The following PTPRO variants were observed in gnomAD, a reference collection of about 807,000 sequenced individuals.
PTPRO encodes the protein protein tyrosine phosphatase receptor type O.
In PTPRO, 62 loss-of-function variants were observed where a neutral mutation model predicts 145.2. The observed-to-expected ratio is 0.43, with a 90% CI of 0.35 to 0.53. The LOEUF is 0.53. Among genes scored for constraint, PTPRO ranks in the 20% least tolerant of loss-of-function variants. The pLI, the probability that PTPRO is intolerant of heterozygous loss-of-function variation, is 0.01. For synonymous variants in PTPRO, 565 were observed against 514.7 expected (o/e 1.10, Z -1.32); for missense variants, 1,345 against 1,482.7 (o/e 0.91, Z 1.53).
At chr12:15,502,195 A>C (rs190262064) in intron 5 of PTPRO, 132 bp downstream of exon 5, 1 of 916,132 alleles carries the variant, frequency 1.1e-6, no homozygotes, top group Non-Finnish European at 1.7e-6. Flanking sequence ...ATGAAAGGGG[A>C]GAATTTAATT....
chr12:15,584,352 A>T (rs147627736), intron 23 of PTPRO, among the ~76,000 whole-genome samples: 133 of 152,366 alleles, frequency 8.7e-4, no homozygotes, highest in African/African-American at 3.1e-3. Flanking sequence ...AGCCAGTGCA[A>T]ACTGATAACC....
intron 1 of PTPRO, among the ~76,000 whole-genome samples, chr12:15,423,278 G>A (rs1431788150): frequency 1.3e-5 from 2 of 152,018 alleles, no homozygotes; most frequent in Non-Finnish European, 2.9e-5. Context: ...GACTCTCTGA[G>A]GTTTCTTGGA....
At chr12:15,395,839 A>ACACACACACAAACTATAGGCCAGTAGCT in intron 1 of PTPRO, among the ~76,000 whole-genome samples, 1 of 149,780 alleles carries the variant, frequency 6.7e-6, no homozygotes, top group Non-Finnish European at 1.5e-5. Context: ...ACACACACAC[A>ACACACACACAAACTATAGGCCAGTAGCT]CTGATGATGG....
chr12:15,374,534 G>A (rs1307688926), intron 1 of PTPRO, among the ~76,000 whole-genome samples: 1 of 152,078 alleles, frequency 6.6e-6, no homozygotes, highest in Non-Finnish European at 1.5e-5. Context: ...GAGCACTGGA[G>A]GGGGCAGTCC....
At chr12:15,356,467 C>A (rs1021548690) in intron 1 of PTPRO, among the ~76,000 whole-genome samples, 2 of 152,208 alleles carry the variant, frequency 1.3e-5, no homozygotes, top group Admixed American at 1.3e-4. Context: ...CATAGTAATG[C>A]CTATAAATGG....
chr12:15,392,726 A>AT (rs1241740683), intron 1 of PTPRO, among the ~76,000 whole-genome samples: 10 of 149,622 alleles, frequency 6.7e-5, no homozygotes, highest in African/African-American at 2.5e-4. Flanking sequence ...GTCTCAAAAA[A>AT]AAAAAAAAAA....
At chr12:15,327,817 A>G (rs1456328245) in intron 1 of PTPRO, among the ~76,000 whole-genome samples, 2 of 152,126 alleles carry the variant, frequency 1.3e-5, no homozygotes, top group Admixed American at 1.3e-4. Flanking sequence ...AGCAGGTCCC[A>G]TAGGGTTTCT....
chr12:15,409,524 A>G (rs372222776), intron 1 of PTPRO, among the ~76,000 whole-genome samples: 2 of 152,172 alleles, frequency 1.3e-5, no homozygotes, highest in Non-Finnish European at 2.9e-5. Context: ...CTCCCTGTCT[A>G]TTAGGCTATT....
chr12:15,425,203 A>T (rs997426523), intron 1 of PTPRO, among the ~76,000 whole-genome samples: 6 of 152,050 alleles, frequency 3.9e-5, no homozygotes, highest in African/African-American at 1.4e-4. Context: ...CTATGATTTT[A>T]CCCCATACAC....
intron 17 of PTPRO, among the ~76,000 whole-genome samples, chr12:15,562,907 A>G (rs762178508): frequency 6.6e-6 from 1 of 152,076 alleles, no homozygotes; most frequent in Non-Finnish European, 1.5e-5. Flanking sequence ...GAATGATATA[A>G]TATACTAAAG....
At chr12:15,529,180 A>C (rs1406499336) in intron 12 of PTPRO, among the ~76,000 whole-genome samples, 1 of 152,230 alleles carries the variant, frequency 6.6e-6, no homozygotes, top group Non-Finnish European at 1.5e-5. Context: ...CAAATCTTTT[A>C]AAAATAATAA....
At chr12:15,525,075 G>T in intron 11 of PTPRO, 110 bp downstream of exon 11, 1 of 1,313,442 alleles carries the variant, frequency 7.6e-7, no homozygotes, top group Non-Finnish European at 1.1e-6. Context: ...CATACCAGTT[G>T]TCTGTTTTAG....
At chr12:15,323,920 A>G (rs1866372326) in intron 1 of PTPRO, among the ~76,000 whole-genome samples, 1 of 152,218 alleles carries the variant, frequency 6.6e-6, no homozygotes, top group South Asian at 2.1e-4. Flanking sequence ...CCATATTTTC[A>G]TTTATCTTAA....
At chr12:15,478,675 A>AT (rs916144052) in intron 1 of PTPRO, among the ~76,000 whole-genome samples, 20 of 150,330 alleles carry the variant, frequency 1.3e-4, no homozygotes, top group African/African-American at 2.4e-4. Flanking sequence ...TATTAAATTA[A>AT]TTTTTTTTTT....
At chr12:15,433,540 TGAA>T (rs2136345529) in intron 1 of PTPRO, among the ~76,000 whole-genome samples, 1 of 152,244 alleles carries the variant, frequency 6.6e-6, no homozygotes, top group East Asian at 1.9e-4. Context: ...TTGTACACAG[TGAA>T]GGAAAGGGTC....
At chr12:15,449,044 G>T (rs150581536) in intron 1 of PTPRO, among the ~76,000 whole-genome samples, 3,148 of 151,150 alleles carry the variant, frequency 0.021, 53 homozygotes, top group Non-Finnish European at 0.031. Flanking sequence ...CAAACGATTC[G>T]CAAATAGGGC....
chr12:15,584,264 C>T (rs535588319), intron 23 of PTPRO, among the ~76,000 whole-genome samples: 6 of 152,360 alleles, frequency 3.9e-5, no homozygotes, highest in Admixed American at 3.9e-4. Context: ...CATCAATAGA[C>T]TTTCCGTCAG....
intron 15 of PTPRO, among the ~76,000 whole-genome samples, chr12:15,552,665 C>T (rs1943496406): frequency 6.6e-6 from 1 of 151,998 alleles, no homozygotes; most frequent in Non-Finnish European, 1.5e-5. Context: ...AGAATAAAGA[C>T]TAATTCTGAA....
intron 2 of PTPRO, among the ~76,000 whole-genome samples, chr12:15,490,461 T>G (rs1234037356): frequency 6.6e-6 from 1 of 152,148 alleles, no homozygotes; most frequent in Non-Finnish European, 1.5e-5. Flanking sequence ...GACACCAAAA[T>G]TTTATTTTTT....
Sources: allele counts gnomAD v4.1 joint callset (sites outside exome capture counted in the v4.1 genomes callset), GRCh38; gene constraint gnomAD v4.1.1; transcripts MANE v1.5; gene names NCBI Gene and HGNC (gene_info 2026-07-23, HGNC 2026-07-21).